Variants in FAM174A observed in about 807,000 individuals in gnomAD.
FAM174A encodes family with sequence similarity 174 member A, also known as membrane protein FAM174A.
Under a neutral mutation model 14.3 loss-of-function variants are expected in FAM174A, and 14 were observed. The observed-to-expected ratio is 0.98, with a 90% CI of 0.65 to 1.53. The LOEUF is 1.53. Among genes scored for constraint, FAM174A ranks in the 40% most tolerant of loss-of-function variants. The pLI is 0.00. For synonymous variants in FAM174A, 108 were observed against 111.4 expected, an observed-to-expected ratio of 0.97 and a Z score of 0.19; for missense variants, 241 against 249.6, an observed-to-expected ratio of 0.97 and a Z score of 0.23.
At chr5:100,579,943 T>A (rs761239409) in intron 2 of FAM174A, among the ~76,000 whole-genome samples, 1 of 152,236 alleles carries the variant, frequency 6.6e-6, no homozygotes. Flanking sequence ...GGGATTCATG[T>A]CATCATTTAG....
In FAM174A at chr5:100,545,375, T is replaced by C. The variant is rs75615692; in HGVS notation, c.434+9411T>C. On this transcript the variant is annotated intron_variant, in intron 1 of 2. Coordinates refer to ENST00000312637, the MANE Select transcript of FAM174A (RefSeq NM_198507.3). ...AGAAATCAGGTTTTCCTTGGCGTTT[T>C]TGGATAGATTTTTATTGCTATATTC... 8.1e-3 allele frequency among the ~76,000 whole-genome samples: 1,233 copies of C among 152,316 alleles called. 14 individuals are homozygous for C. The highest frequency in any genetic ancestry group is 0.028 in the African/African-American group (1,173 of 41,580).
intron 2 of FAM174A, among the ~76,000 whole-genome samples, chr5:100,583,638 ATT>A (rs75784085): frequency 4.2e-5 from 6 of 143,558 alleles, no homozygotes; most frequent in African/African-American, 1.5e-4. Flanking sequence ...TTTATTACCG[ATT>A]TTTTTTTTTT....
At chr5:100,584,897 A>G (rs922259271) in intron 2 of FAM174A, among the ~76,000 whole-genome samples, 1 of 151,694 alleles carries the variant, frequency 6.6e-6, no homozygotes, top group African/African-American at 2.4e-5. Context: ...TTGTAATGTC[A>G]TGACTTTTTT....
chr5:100,569,786 T>C (rs932055447), intron 2 of FAM174A, among the ~76,000 whole-genome samples: 4 of 151,710 alleles, frequency 2.6e-5, no homozygotes, highest in Non-Finnish European at 5.9e-5. Flanking sequence ...ATGGACAAAA[T>C]GCTCAGCCTC....
At chr5:100,559,485 G>C (rs778207519) in intron 1 of FAM174A, among the ~76,000 whole-genome samples, 7 of 151,938 alleles carry the variant, frequency 4.6e-5, no homozygotes, top group Non-Finnish European at 8.8e-5. Context: ...ATGTTGGCCT[G>C]CCTTGCTAGA....
chr5:100,584,530 A>G (rs994660247), intron 2 of FAM174A, among the ~76,000 whole-genome samples: 1 of 151,994 alleles, frequency 6.6e-6, no homozygotes, highest in African/African-American at 2.4e-5. Flanking sequence ...TTATTAAACC[A>G]TCTTTTGTTG....
intron 2 of FAM174A, among the ~76,000 whole-genome samples, chr5:100,570,734 T>A (rs1272662491): frequency 6.6e-6 from 1 of 152,020 alleles, no homozygotes; most frequent in Non-Finnish European, 1.5e-5. Context: ...ATTATATGCA[T>A]ATAATATATC....
At chr5:100,540,887 TG>T (rs1332884523) in intron 1 of FAM174A, among the ~76,000 whole-genome samples, 1 of 152,148 alleles carries the variant, frequency 6.6e-6, no homozygotes, top group Non-Finnish European at 1.5e-5. Flanking sequence ...ATATAGACAT[TG>T]ATATCTATAC....
At position 100,559,129 on chromosome 5, in the gene FAM174A, C is replaced by A. The variant is rs1361087003; in HGVS notation, c.435-2925C>A. Reference sequence around the variant, plus strand: ...CCTTCAGGAGCTCATTTAGGGCAGGCCTGATGGTGACAAAATCTCTCAGCA... The same window carrying A: ...CCTTCAGGAGCTCATTTAGGGCAGGACTGATGGTGACAAAATCTCTCAGCA... On this transcript the variant is annotated intron_variant, in intron 1 of 2. Transcript: ENST00000312637. Among the ~76,000 whole-genome samples the A allele has an allele frequency of 2.0e-5, 3 of 152,134 alleles. No homozygotes were observed. The East Asian group carries it at 5.8e-4, about 29-fold the overall frequency.
chr5:100,564,570 G>T (rs1352695198), intron 2 of FAM174A, among the ~76,000 whole-genome samples: 3 of 151,536 alleles, frequency 2.0e-5, no homozygotes, highest in Non-Finnish European at 4.4e-5. Context: ...AGTTGAAAAA[G>T]ACAATGAGAA....
In FAM174A at chr5:100,543,262, C is replaced by T. The variant is rs138518738; in HGVS notation, c.434+7298C>T. On this transcript the variant is annotated intron_variant, in intron 1 of 2. Coordinates refer to ENST00000312637, the MANE Select transcript of FAM174A (RefSeq NM_198507.3). ...CCTCCCAAGTAGGTGGGACTACAGG[C>T]GCACGCCACCACACCCAGCTATTTA... Among the ~76,000 whole-genome samples, 1,253 of 152,028 alleles carry T rather than the reference C, an allele frequency of 8.2e-3. 14 individuals carry two copies. The highest frequency in any genetic ancestry group is 0.029 in the African/African-American group (1,192 of 41,468).
intron 2 of FAM174A, among the ~76,000 whole-genome samples, chr5:100,585,509 G>A (rs530854508): frequency 6.6e-6 from 1 of 152,130 alleles, no homozygotes; most frequent in African/African-American, 2.4e-5. Flanking sequence ...CGCCTCCCGA[G>A]TTCAAGTGAT....
chr5:100,553,355 G>A (rs879778654), intron 1 of FAM174A, among the ~76,000 whole-genome samples: 4 of 152,000 alleles, frequency 2.6e-5, no homozygotes, highest in Non-Finnish European at 4.4e-5. Context: ...TTATTTGAAA[G>A]CTTTGAAATT....
At chr5:100,549,392 CA>C (rs1746219623) in intron 1 of FAM174A, among the ~76,000 whole-genome samples, 1 of 152,126 alleles carries the variant, frequency 6.6e-6, no homozygotes. Flanking sequence ...CTATGTGTTA[CA>C]TACTTTCATA....
At chr5:100,544,672 G>GT (rs904107080) in intron 1 of FAM174A, among the ~76,000 whole-genome samples, 3 of 152,016 alleles carry the variant, frequency 2.0e-5, no homozygotes, top group African/African-American at 7.2e-5. Flanking sequence ...AGAGAAGTCA[G>GT]TTTTTTTAAC....
chr5:100,554,894 A>C (rs1442069847), intron 1 of FAM174A, among the ~76,000 whole-genome samples: 4 of 151,890 alleles, frequency 2.6e-5, no homozygotes, highest in African/African-American at 9.7e-5. Context: ...AATACTATCT[A>C]ATTTTTTTTT....
At chr5:100,541,468 T>C (rs1217123674) in intron 1 of FAM174A, among the ~76,000 whole-genome samples, 2 of 152,092 alleles carry the variant, frequency 1.3e-5, no homozygotes, top group African/African-American at 4.8e-5. Context: ...CCTTTTCTGC[T>C]TGGATATATT....
intron 2 of FAM174A, among the ~76,000 whole-genome samples, chr5:100,585,251 G>A (rs910389159): frequency 1.3e-5 from 2 of 151,958 alleles, no homozygotes; most frequent in Admixed American, 6.6e-5. Context: ...CATATCTCTC[G>A]ACTGCAAATA....
At chr5:100,578,069 T>C (rs1429130606) in intron 2 of FAM174A, among the ~76,000 whole-genome samples, 1 of 152,122 alleles carries the variant, frequency 6.6e-6, no homozygotes, top group Admixed American at 6.6e-5. Flanking sequence ...TGTTTGTTTG[T>C]AGAAGAAATA....
Sources: allele counts gnomAD v4.1 joint callset (sites outside exome capture counted in the v4.1 genomes callset), GRCh38; gene constraint gnomAD v4.1.1; transcripts MANE v1.5; gene names NCBI Gene and HGNC (gene_info 2026-07-23, HGNC 2026-07-21).